TNK2: variants seen among roughly 807,000 people sequenced by gnomAD.
The protein encoded by TNK2 is tyrosine kinase non receptor 2, also known as activated CDC42 kinase 1.
TNK2 carries 83 observed loss-of-function variants against 101.8 expected under a neutral mutation model. The ratio of observed to expected loss-of-function variants is 0.82; its 90% CI spans 0.68 to 0.98. TNK2 has a LOEUF of 0.98. Ranked by LOEUF, TNK2 falls within the 50% of genes least tolerant of loss-of-function variation. The pLI is 0.00. For synonymous variants in TNK2, 804 were observed against 633.0 expected, an observed-to-expected ratio of 1.27 and a Z score of -4.06; for missense variants, 1,665 against 1,483.2, an observed-to-expected ratio of 1.12 and a Z score of -2.01.
intron 1 of TNK2, among the ~76,000 whole-genome samples, chr3:195,892,170 G>A (rs1014683938): frequency 9.9e-5 from 15 of 151,594 alleles, no homozygotes; most frequent in Non-Finnish European, 1.5e-4. Flanking sequence ...CCTGGCCCCC[G>A]CACCTCATGG....
At chr3:195,872,748 A>G in intron 9 of TNK2, 1 of 453,908 alleles carries the variant, frequency 2.2e-6, no homozygotes, top group Non-Finnish European at 3.9e-6. Context: ...CTGCTGCAGC[A>G]GGCAACATGA....
intron 9 of TNK2, among the ~76,000 whole-genome samples, chr3:195,873,407 CAG>C (rs1046544390): frequency 3.3e-5 from 5 of 152,110 alleles, no homozygotes; most frequent in Non-Finnish European, 5.9e-5. Context: ...ATGCCGTGAG[CAG>C]AGTCTGGGCA....
In TNK2 at chr3:195,868,013, G is replaced by A. The variant is rs1477418236; in HGVS notation, c.2285C>T (p.Pro762Leu). 6.3e-7 allele frequency: 1 copy of A among 1,579,096 alleles called. No homozygotes were observed. The highest frequency in any genetic ancestry group is 8.6e-7 in the Non-Finnish European group (1 of 1,169,470). Residue 762 changes from proline to leucine, a missense_variant, in exon 13 of 16, where the codon CCT becomes CTT. Transcript: ENST00000672887. ...PQVPPRVPIP[P>L]RPTRPHVQLS... ...CTGGACGTGTGGGCGCGTGGGCCGAGGGGGGATGGGTACCCGAGGAGGCAC... is the reference window on the plus strand; with the variant it reads ...CTGGACGTGTGGGCGCGTGGGCCGAAGGGGGATGGGTACCCGAGGAGGCAC...
chr3:195,902,555 T>G (rs187788403), intron 1 of TNK2, among the ~76,000 whole-genome samples: 3 of 148,614 alleles, frequency 2.0e-5, no homozygotes, highest in Admixed American at 2.0e-4. Context: ...GAGGCAGAAG[T>G]TGCAGTGAGC....
At chr3:195,867,321 GC>G in intron 13 of TNK2, 39 bp downstream of exon 13, 1 of 1,609,588 alleles carries the variant, frequency 6.2e-7, no homozygotes, top group Non-Finnish European at 8.5e-7. Flanking sequence ...GGCCCCTTGG[GC>G]CCTGCCCCGC....
chr3:195,870,056 G>C (rs770474260), intron 11 of TNK2, 58 bp downstream of exon 11: 7 of 1,302,346 alleles, frequency 5.4e-6, no homozygotes, highest in Non-Finnish European at 7.2e-6. Flanking sequence ...TGTGAAGACA[G>C]TGCCCCTTCC....
intron 9 of TNK2, among the ~76,000 whole-genome samples, chr3:195,875,328 G>A (rs570201095): frequency 3.5e-5 from 1 of 28,734 alleles, no homozygotes; most frequent in Non-Finnish European, 5.3e-5. Flanking sequence ...CGAGGCACAA[G>A]AAACTCCCCC....
At chr3:195,896,224 C>T (rs1249768609) in intron 1 of TNK2, 1 of 411,442 alleles carries the variant, frequency 2.4e-6, no homozygotes, top group East Asian at 9.5e-5. Context: ...CACCGCTTCT[C>T]ATTCTGGTGG....
chr3:195,865,905 G>A (rs1324245824), intron 15 of TNK2, among the ~76,000 whole-genome samples: 8 of 152,268 alleles, frequency 5.3e-5, no homozygotes, highest in Admixed American at 2.6e-4. Context: ...TTATCTACAC[G>A]CTTTATATGT....
At chr3:195,892,641 C>T (rs972988525) in intron 1 of TNK2, 92 of 1,424,932 alleles carry the variant, frequency 6.5e-5, no homozygotes, top group Middle Eastern at 5.1e-4. Context: ...CTGCAAGCCC[C>T]GCTGGGTTTC....
In TNK2 at chr3:195,864,157, G is replaced by A. The variant is rs138533223; in HGVS notation, c.*24C>T. 2.2e-5 allele frequency: 35 copies of A among 1,613,936 alleles called. No homozygotes were observed. In the East Asian group the frequency reaches 6.9e-4, roughly 32 times the overall value. ...AGGCTCAGGTGATTCCTTCAGGCAG[G>A]CCCTCTGGCTCTCCAGACGCATCTC... On this transcript the variant is annotated 3_prime_UTR_variant, in exon 16 of 16. Transcript: ENST00000672887.
At chr3:195,869,471 A>G (rs1743349942) in intron 12 of TNK2, 26 bp downstream of exon 12, 2 of 1,471,658 alleles carry the variant, frequency 1.4e-6, no homozygotes, top group African/African-American at 1.4e-5. Context: ...GGCGGGGGCC[A>G]AGGCATCGGA....
chr3:195,888,723 C>T lies in TNK2; in HGVS notation c.-18-117G>A, dbSNP rs1757182197. 1 of 957,152 alleles carries T rather than the reference C, an allele frequency of 1.0e-6. No homozygotes were observed. Among genetic ancestry groups the T allele is most frequent in the East Asian group, 2.7e-5 (1 of 36,708 alleles). 59.3% of individuals were successfully genotyped at this position (957,152 alleles called of 1,614,324 possible). On this transcript the variant is annotated intron_variant, in intron 1 of 15. Transcript: ENST00000672887. The surrounding 1 kb of genome is among the most constrained non-coding windows in gnomAD (Gnocchi z 5.3). ...CGGCCACCCGGAAGGGCTCACACCA[C>T]CTTCTGACTCCCGAGGGAAGCTACC...
At chr3:195,895,869 C>G (rs1216406398) in intron 1 of TNK2, 1 of 158,596 alleles carries the variant, frequency 6.3e-6, no homozygotes, top group African/African-American at 2.4e-5. Flanking sequence ...GGCGGCCACT[C>G]TGCTCCCAGA....
chr3:195,877,115 G>A (rs1015928576), intron 9 of TNK2, among the ~76,000 whole-genome samples: 10 of 152,110 alleles, frequency 6.6e-5, no homozygotes, highest in African/African-American at 2.2e-4. Flanking sequence ...GCTCCCCGGA[G>A]CGCCACGCTT....
In TNK2 at chr3:195,878,569, C is replaced by G. The variant is rs151330438; in HGVS notation, c.1038G>C (p.Glu346Asp). 1.2e-6 allele frequency: 2 copies of G among 1,613,374 alleles called. No homozygotes were observed. Among genetic ancestry groups the G allele is most frequent in the East Asian group, 2.2e-5 (1 of 44,868 alleles). ...GSQILHKIDK[E>D]GERLPRPEDC... ...CCTCGGGCCGGGGCAGCCGCTCCCC[C>G]TCCTTGTCGATCTTATGCAGGATCT... The change falls in exon 8 of 16, where the codon GAG becomes GAC. Residue 346 changes from glutamate to aspartate, a missense_variant. Glu to Asp is a conservative substitution (Grantham distance 45). Around this residue, in one of 3 missense-constraint regions of TNK2, gnomAD observed 490 missense variants for 522.5 expected, o/e 0.94. Transcript: ENST00000672887. This position sits in a 1 kb window ranked among gnomAD's most constrained non-coding sequence, Gnocchi z 4.7.
intron 1 of TNK2, among the ~76,000 whole-genome samples, chr3:195,893,638 AC>A (rs35027723): frequency 0.19 from 28,299 of 150,040 alleles, 3,021 homozygotes; most frequent in Non-Finnish European, 0.25. Context: ...CTGCTCTTAC[AC>A]CCCCCTCGCT....
rs1175134018 is a variant in TNK2 at position 195,886,723 on chromosome 3, CGA to C, written c.234+252_234+253del. 1.3e-5 allele frequency among the ~76,000 whole-genome samples: 2 copies of C among 152,156 alleles called. No homozygotes were observed. The highest frequency in any genetic ancestry group is 2.9e-5 in the Non-Finnish European group (2 of 68,024). On this transcript the variant is annotated intron_variant, in intron 3 of 15. Coordinates refer to ENST00000672887, the MANE Select transcript of TNK2 (RefSeq NM_001382273.1). This position sits in a 1 kb window ranked among gnomAD's most constrained non-coding sequence, Gnocchi z 4.2. The stretch of plus-strand genomic sequence containing the variant: ...CAATGAGGTCCTGTTCCAGGCGTGC[CGA>C]GAGGGGCTGTGAAGGCCTCACCGCA...
At chr3:195,898,068 G>A (rs1361299907) in intron 1 of TNK2, among the ~76,000 whole-genome samples, 1 of 151,672 alleles carries the variant, frequency 6.6e-6, no homozygotes, top group East Asian at 1.9e-4. Flanking sequence ...TATCCAAACT[G>A]GGCTCAGCAT....
Sources: gnomAD v4.1 joint callset for allele counts (sites outside exome capture counted in the v4.1 genomes callset) on GRCh38, gnomAD v4.1.1 for gene constraint, gnomAD v4.1.1 regional missense constraint, Gnocchi (gnomAD v3.1) non-coding constraint, MANE v1.5 for transcripts, NCBI Gene and HGNC (gene_info 2026-07-23, HGNC 2026-07-21) for gene names.